Variants in EIF3H observed in about 807,000 individuals in gnomAD.
The protein encoded by EIF3H is eIF-3-gamma.
EIF3H carries 26 observed loss-of-function variants against 44.2 expected under a neutral mutation model. The ratio of observed to expected loss-of-function variants is 0.59; its 90% CI spans 0.43 to 0.82. The LOEUF (loss-of-function observed/expected upper bound fraction) is 0.82. EIF3H is among the 40% of genes least tolerant of loss of function. EIF3H has a pLI of 0.00. For missense variants in EIF3H, 359 were observed against 432.8 expected (o/e 0.83, Z 1.51); for synonymous variants, 166 against 151.9 (o/e 1.09, Z -0.68).
Position 116,736,577 on chromosome 8 carries a change from G to A in EIF3H, c.133-10405C>T, listed in dbSNP as rs527783521. 1.2e-4 allele frequency among the ~76,000 whole-genome samples: 19 copies of A among 152,158 alleles called. No individual in the cohort carries two copies. In the South Asian group the frequency reaches 2.9e-3, roughly 23 times the overall value. On this transcript the variant is annotated intron_variant, in intron 1 of 7. Transcript: ENST00000521861. ...CTTGGGAGGCTGAGGCAGGGGAACC[G>A]TTTCAACCGGGGAGGCAGAGTTTGC...
At chr8:116,656,102 G>T in intron 4 of EIF3H, 97 bp from the exon 5 acceptor site, 2 of 1,114,432 alleles carry the variant, frequency 1.8e-6, no homozygotes, top group Non-Finnish European at 2.5e-6. Context: ...CCCTATCCAA[G>T]ATCTTTGTTT....
chr8:116,683,859 T>C (rs1270564897), intron 2 of EIF3H, among the ~76,000 whole-genome samples: 1 of 152,214 alleles, frequency 6.6e-6, no homozygotes, highest in African/African-American at 2.4e-5. Context: ...TTTCTAATTC[T>C]AGCTATCCTT....
chr8:116,728,977 TCAA>T (rs1056464323), intron 1 of EIF3H, among the ~76,000 whole-genome samples: 3 of 152,250 alleles, frequency 2.0e-5, no homozygotes, highest in African/African-American at 7.2e-5. Context: ...TAATGCTTAT[TCAA>T]CATACCTCTC....
At chr8:116,742,437 C>A (rs1215030516) in intron 1 of EIF3H, among the ~76,000 whole-genome samples, 1 of 152,134 alleles carries the variant, frequency 6.6e-6, no homozygotes, top group Non-Finnish European at 1.5e-5. Context: ...TTCTGCTTTA[C>A]CAATTCAATA....
At chr8:116,668,464 C>T (rs563070392) in intron 2 of EIF3H, among the ~76,000 whole-genome samples, 136 of 152,242 alleles carry the variant, frequency 8.9e-4, no homozygotes, top group African/African-American at 3.1e-3. Flanking sequence ...TAAAGAAGTA[C>T]ATACATATAC....
At chr8:116,673,604 T>C (rs1201574463) in intron 2 of EIF3H, among the ~76,000 whole-genome samples, 17 of 152,148 alleles carry the variant, frequency 1.1e-4, no homozygotes, top group Admixed American at 8.5e-4. Context: ...AAATTATTTA[T>C]AAAAATAGAA....
chr8:116,691,619 A>C (rs1052320596), intron 2 of EIF3H, among the ~76,000 whole-genome samples: 1 of 152,126 alleles, frequency 6.6e-6, no homozygotes, highest in Non-Finnish European at 1.5e-5. Context: ...TCACACCTGT[A>C]ATCCCAGCAC....
At chr8:116,694,301 T>C (rs1237914125) in intron 2 of EIF3H, among the ~76,000 whole-genome samples, 1 of 152,222 alleles carries the variant, frequency 6.6e-6, no homozygotes, top group Non-Finnish European at 1.5e-5. Context: ...AAATCTAAAG[T>C]GTGAAATGTC....
At chr8:116,727,832 T>C (rs1563654771) in intron 1 of EIF3H, among the ~76,000 whole-genome samples, 2 of 152,208 alleles carry the variant, frequency 1.3e-5, no homozygotes, top group Non-Finnish European at 2.9e-5. Flanking sequence ...ACATCTTTGG[T>C]CGTGGTAGTC....
At chr8:116,684,914 G>A (rs940732485) in intron 2 of EIF3H, among the ~76,000 whole-genome samples, 1 of 152,166 alleles carries the variant, frequency 6.6e-6, no homozygotes, top group Non-Finnish European at 1.5e-5. Context: ...GAAGGAGTAT[G>A]TAAATCATAA....
chr8:116,726,451 G>A (rs990498451), intron 1 of EIF3H, among the ~76,000 whole-genome samples: 1 of 152,114 alleles, frequency 6.6e-6, no homozygotes, highest in Admixed American at 6.6e-5. Context: ...CCCATGGTCT[G>A]GCATCCAGGA....
chr8:116,676,367 C>A (rs201486519), intron 2 of EIF3H, among the ~76,000 whole-genome samples: 1 of 152,102 alleles, frequency 6.6e-6, no homozygotes, highest in Non-Finnish European at 1.5e-5. Flanking sequence ...GGCTGGGGAG[C>A]CCTCAGGAAA....
At chr8:116,705,448 C>T (rs1814452152) in intron 2 of EIF3H, among the ~76,000 whole-genome samples, 1 of 151,170 alleles carries the variant, frequency 6.6e-6, no homozygotes. Context: ...ACCAAGTGAC[C>T]AAGGTTAGCA....
chr8:116,705,532 G>A (rs111507744), intron 2 of EIF3H, among the ~76,000 whole-genome samples: 113 of 148,904 alleles, frequency 7.6e-4, no homozygotes, highest in African/African-American at 2.5e-3. Flanking sequence ...TGCAATGACA[G>A]GGGCACTTCA....
chr8:116,727,756 G>C (rs996195598), intron 1 of EIF3H, among the ~76,000 whole-genome samples: 3 of 152,102 alleles, frequency 2.0e-5, no homozygotes, highest in Admixed American at 2.0e-4. Flanking sequence ...TTTTTTAGTA[G>C]AATTGTTTCC....
At chr8:116,741,870 G>A (rs1815138770) in intron 1 of EIF3H, among the ~76,000 whole-genome samples, 1 of 152,124 alleles carries the variant, frequency 6.6e-6, no homozygotes, top group Admixed American at 6.5e-5. Flanking sequence ...ATTTGGTTAA[G>A]CCTAGATAAT....
At chr8:116,729,344 T>C (rs574171278) in intron 1 of EIF3H, among the ~76,000 whole-genome samples, 3 of 152,020 alleles carry the variant, frequency 2.0e-5, no homozygotes, top group Admixed American at 1.3e-4. Flanking sequence ...ATGAAGAAAA[T>C]AGCAATAAAA....
intron 2 of EIF3H, among the ~76,000 whole-genome samples, chr8:116,708,396 T>C (rs1343409035): frequency 1.3e-5 from 2 of 151,968 alleles, no homozygotes; most frequent in East Asian, 3.8e-4. Context: ...AAAATGAATA[T>C]TTTTCCAAGA....
At chr8:116,743,522 T>A (rs1815164412) in intron 1 of EIF3H, among the ~76,000 whole-genome samples, 1 of 151,228 alleles carries the variant, frequency 6.6e-6, no homozygotes, top group Non-Finnish European at 1.5e-5. Context: ...GGCAGGCGGA[T>A]CACTTGAGGC....
Sources: gnomAD v4.1 joint callset for allele counts (sites outside exome capture counted in the v4.1 genomes callset) on GRCh38, gnomAD v4.1.1 for gene constraint, MANE v1.5 for transcripts, NCBI Gene and HGNC (gene_info 2026-07-23, HGNC 2026-07-21) for gene names.